PCDH15: variants seen among roughly 807,000 people sequenced by gnomAD.
PCDH15 encodes protocadherin related 15, also known as protocadherin-15.
PCDH15 carries 129 observed loss-of-function variants against 178.5 expected under a neutral mutation model. The observed-to-expected ratio is 0.72, with a 90% CI of 0.63 to 0.84. PCDH15 has a LOEUF of 0.84. Among genes scored for constraint, PCDH15 ranks in the 40% least tolerant of loss-of-function variants. The probability of loss-of-function intolerance (pLI) is 0.00; values close to 1 mark genes in which losing one functional copy is unlikely to be tolerated. For missense variants in PCDH15, 2,230 were observed against 2,099.9 expected, an observed-to-expected ratio of 1.06 and a Z score of -1.21; for synonymous variants, 800 against 732.0, an observed-to-expected ratio of 1.09 and a Z score of -1.50.
At chr10:55,372,638 T>C (rs1375411226) in intron 2 of PCDH15, among the ~76,000 whole-genome samples, 2 of 152,150 alleles carry the variant, frequency 1.3e-5, no homozygotes, top group African/African-American at 4.8e-5. Flanking sequence ...TCCCTCATGA[T>C]GAGGCAAAGC....
upstream of PCDH15, among the ~76,000 whole-genome samples, chr10:55,320,372 CCCA>C (rs1434256268): frequency 6.6e-6 from 1 of 152,022 alleles, no homozygotes; most frequent in African/African-American, 2.4e-5. Flanking sequence ...ACACCATGCC[CCCA>C]CCACCACCAC....
chr10:55,537,052 G>C (rs950140993), intron 2 of PCDH15, among the ~76,000 whole-genome samples: 1 of 151,566 alleles, frequency 6.6e-6, no homozygotes, highest in Admixed American at 6.6e-5. Context: ...TTTTCTTTTT[G>C]ATAGCACAGA....
chr10:54,723,773 C>T (rs1214236554), intron 1 of PCDH15, among the ~76,000 whole-genome samples: 1 of 151,578 alleles, frequency 6.6e-6, no homozygotes, highest in Admixed American at 6.6e-5. Context: ...ATACAGCCAA[C>T]AAACACATAA....
chr10:54,782,535 C>T lies in PCDH15; in HGVS notation c.-29+18390G>A, dbSNP rs576516841. Among the ~76,000 whole-genome samples the T allele has an allele frequency of 2.6e-5, 4 of 152,186 alleles. No individual in the cohort carries two copies. The South Asian group carries it at 8.3e-4, about 32-fold the overall frequency. On this transcript the variant is annotated intron_variant, in intron 1 of 37. Transcript: ENST00000644397. ...TTTTTCTAATTGATTACAGAAGAATCCATTAACTTTAGTGGCAAGAATGTC... is the reference window on the plus strand; with the variant it reads ...TTTTTCTAATTGATTACAGAAGAATTCATTAACTTTAGTGGCAAGAATGTC...
intron 2 of PCDH15, among the ~76,000 whole-genome samples, chr10:55,097,373 G>C (rs1016877672): frequency 6.6e-6 from 1 of 152,022 alleles, no homozygotes; most frequent in African/African-American, 2.4e-5. Flanking sequence ...GCTGGGATTT[G>C]GGGGAGCTAG....
chr10:55,475,395 C>A (rs1170770801), intron 2 of PCDH15, among the ~76,000 whole-genome samples: 1 of 152,086 alleles, frequency 6.6e-6, no homozygotes, highest in Admixed American at 6.6e-5. Context: ...AATATTATAA[C>A]AGATAAGATG....
intron 2 of PCDH15, among the ~76,000 whole-genome samples, chr10:55,150,023 A>G (rs1172844136): frequency 6.7e-6 from 1 of 148,920 alleles, no homozygotes; most frequent in African/African-American, 2.5e-5. Context: ...GTGAGCAGAG[A>G]GAGAGAGATA....
intron 26 of PCDH15, among the ~76,000 whole-genome samples, chr10:53,888,311 T>TATATATATAC (rs1564690988): frequency 1.2e-4 from 5 of 41,798 alleles, no homozygotes; most frequent in East Asian, 9.7e-4. Flanking sequence ...TATATATATG[T>TATATATATAC]ATATATGTAC....
At chr10:54,688,756 T>A (rs529725993) in intron 1 of PCDH15, among the ~76,000 whole-genome samples, 1 of 152,062 alleles carries the variant, frequency 6.6e-6, no homozygotes, top group Non-Finnish European at 1.5e-5. Context: ...AAAAGCAGCA[T>A]CTCAAAATCA....
chr10:54,373,271 T>C (rs1180530232), intron 4 of PCDH15, among the ~76,000 whole-genome samples: 1 of 121,486 alleles, frequency 8.2e-6, no homozygotes, highest in Non-Finnish European at 1.8e-5. Flanking sequence ...TGTCTAATTC[T>C]CAGGAGTGAA....
chr10:55,097,263 A>G (rs1842468385), intron 2 of PCDH15, among the ~76,000 whole-genome samples: 1 of 152,122 alleles, frequency 6.6e-6, no homozygotes. Flanking sequence ...ATTACATGCA[A>G]CTTAATTCAA....
At chr10:55,072,597 C>T (rs1385564318) in intron 2 of PCDH15, among the ~76,000 whole-genome samples, 2 of 152,126 alleles carry the variant, frequency 1.3e-5, no homozygotes, top group South Asian at 4.2e-4. Flanking sequence ...GAAATTGTGG[C>T]AATAATCAAT....
chr10:54,303,527 T>C (rs995304968), intron 8 of PCDH15, among the ~76,000 whole-genome samples: 10 of 152,038 alleles, frequency 6.6e-5, no homozygotes, highest in Admixed American at 5.9e-4. Context: ...GAACTCAAAA[T>C]CTAGAGTAAT....
In PCDH15 at chr10:54,969,356, G is replaced by A. The variant is rs115868318; in HGVS notation, c.-79-71856C>T. On this transcript the variant is annotated intron_variant, in intron 2 of 5. Transcript: ENST00000458638. ...ATTTCCCACTACTAAGTCAGACTCC[G>A]TCTGAATACTCCAACCAATGTAGAA... Among the ~76,000 whole-genome samples the A allele has an allele frequency of 2.0e-3, 307 of 152,196 alleles. 1 individual carries two copies. The highest frequency in any genetic ancestry group is 6.5e-3 in the African/African-American group (271 of 41,554).
chr10:54,519,318 G>A (rs1226169777), intron 3 of PCDH15, among the ~76,000 whole-genome samples: 1 of 152,096 alleles, frequency 6.6e-6, no homozygotes, highest in Non-Finnish European at 1.5e-5. Flanking sequence ...AAACCCCATT[G>A]TCTCAGCCCA....
At chr10:54,693,626 T>C (rs558487805) in intron 1 of PCDH15, among the ~76,000 whole-genome samples, 3 of 152,180 alleles carry the variant, frequency 2.0e-5, no homozygotes, top group Non-Finnish European at 2.9e-5. Context: ...GTAACAACTT[T>C]CAGTAATATT....
chr10:54,644,601 A>C, intron 2 of PCDH15, among the ~76,000 whole-genome samples: 1 of 152,058 alleles, frequency 6.6e-6, no homozygotes, highest in East Asian at 1.9e-4. Flanking sequence ...CAATTCCATC[A>C]TTGGCCAGTC....
chr10:53,893,144 C>A (rs1047961953), intron 26 of PCDH15, among the ~76,000 whole-genome samples: 4 of 151,576 alleles, frequency 2.6e-5, no homozygotes, highest in African/African-American at 9.7e-5. Flanking sequence ...TACAGTATAG[C>A]CTGTGATCAT....
chr10:54,886,509 C>T (rs1226030712), intron 3 of PCDH15, among the ~76,000 whole-genome samples: 1 of 152,216 alleles, frequency 6.6e-6, no homozygotes, highest in Non-Finnish European at 1.5e-5. Flanking sequence ...TGCCTGTAAT[C>T]CCAGCACTTT....
Sources: gnomAD v4.1 joint callset for allele counts (sites outside exome capture counted in the v4.1 genomes callset) on GRCh38, gnomAD v4.1.1 for gene constraint, MANE v1.5 for transcripts, NCBI Gene and HGNC (gene_info 2026-07-23, HGNC 2026-07-21) for gene names.